ERBB4: variants seen among roughly 807,000 people sequenced by gnomAD.
ERBB4 encodes receptor tyrosine-protein kinase erbB-4.
In ERBB4, 42 loss-of-function variants were observed where a neutral mutation model predicts 158.0. The observed-to-expected ratio is 0.27, with a 90% confidence interval of 0.21 to 0.34. The LOEUF (loss-of-function observed/expected upper bound fraction) is 0.34. Among genes scored for constraint, ERBB4 ranks in the 10% least tolerant of loss-of-function variants. The probability of loss-of-function intolerance (pLI) is 1.00; values close to 1 mark genes in which losing one functional copy is unlikely to be tolerated. For synonymous variants in ERBB4, 583 were observed against 558.7 expected, an observed-to-expected ratio of 1.04 and a Z score of -0.61; for missense variants, 1,333 against 1,624.1, an observed-to-expected ratio of 0.82 and a Z score of 3.08.
At chr2:211,529,383 C>A (rs2066435108) in intron 20 of ERBB4, among the ~76,000 whole-genome samples, 1 of 151,844 alleles carries the variant, frequency 6.6e-6, no homozygotes, top group Non-Finnish European at 1.5e-5. Context: ...CAAAGAAAAG[C>A]CCAGGATCTG....
chr2:212,424,429 C>A (rs2091861489), intron 1 of ERBB4, among the ~76,000 whole-genome samples: 1 of 152,068 alleles, frequency 6.6e-6, no homozygotes, highest in African/African-American at 2.4e-5. Context: ...CCACATATAT[C>A]CAAAAGAAAC....
At chr2:211,919,712 T>C (rs2079805126) in intron 3 of ERBB4, among the ~76,000 whole-genome samples, 1 of 151,982 alleles carries the variant, frequency 6.6e-6, no homozygotes, top group African/African-American at 2.4e-5. Flanking sequence ...TAAAAGTGAT[T>C]AGTGTTATGG....
chr2:211,780,931 T>G (rs770804033), intron 4 of ERBB4, among the ~76,000 whole-genome samples: 8 of 152,250 alleles, frequency 5.3e-5, no homozygotes, highest in Non-Finnish European at 8.8e-5. Flanking sequence ...AAAATATCTT[T>G]TGAAAACAGT....
In ERBB4 at chr2:212,062,396, ATTCTTTTTTTTTTTT is replaced by A. The variant is rs1425657779; in HGVS notation, c.234+62341_234+62355del. On this transcript the variant is annotated intron_variant, in intron 2 of 27. Coordinates refer to ENST00000342788, the MANE Select transcript of ERBB4 (RefSeq NM_005235.3). Reference sequence around the variant, plus strand: ...CTCCTACTACTCTTCTCACTTGTCAATTCTTTTTTTTTTTTTTTTTTTTTTTTTTTTTTTTTTTTT... The same window carrying A: ...CTCCTACTACTCTTCTCACTTGTCAATTTTTTTTTTTTTTTTTTTTTTTTT... Among the ~76,000 whole-genome samples, 362 of 96,516 alleles carry A rather than the reference ATTCTTTTTTTTTTTT, an allele frequency of 3.8e-3. 2 individuals carry two copies. Among genetic ancestry groups the A allele is most frequent in the Non-Finnish European group, 5.8e-3 (286 of 48,966 alleles). The allele number at this position is 96,516 out of a possible 152,430, so 63.3% of individuals were successfully genotyped here.
chr2:212,315,371 T>G (rs2106248627), intron 1 of ERBB4, among the ~76,000 whole-genome samples: 1 of 151,412 alleles, frequency 6.6e-6, no homozygotes, highest in Admixed American at 6.6e-5. Context: ...GTGAGGAAAT[T>G]CTAAATAAGA....
At chr2:212,010,612 A>C (rs2076362954) in intron 2 of ERBB4, among the ~76,000 whole-genome samples, 1 of 152,172 alleles carries the variant, frequency 6.6e-6, no homozygotes. Flanking sequence ...ACTACTGATA[A>C]GGGTCTATAT....
chr2:212,369,146 G>A (rs2089997664), intron 1 of ERBB4, among the ~76,000 whole-genome samples: 1 of 152,146 alleles, frequency 6.6e-6, no homozygotes, highest in South Asian at 2.1e-4. Context: ...TAAAATTCTT[G>A]AATTATTTGC....
chr2:212,529,292 C>G (rs957468658), intron 1 of ERBB4, among the ~76,000 whole-genome samples: 1 of 152,058 alleles, frequency 6.6e-6, no homozygotes, highest in Non-Finnish European at 1.5e-5. Flanking sequence ...TACTGAACTA[C>G]AAAATATTTA....
chr2:211,919,404 A>C (rs1330809039), intron 3 of ERBB4, among the ~76,000 whole-genome samples: 1 of 152,120 alleles, frequency 6.6e-6, no homozygotes, highest in African/African-American at 2.4e-5. Context: ...AGTTTATAGG[A>C]TATCTTACAG....
intron 3 of ERBB4, among the ~76,000 whole-genome samples, chr2:211,808,262 C>T (rs1032586075): frequency 2.0e-5 from 3 of 152,154 alleles, no homozygotes; most frequent in African/African-American, 7.2e-5. Context: ...GGTTTTAGGT[C>T]TAACATTTAA....
chr2:211,488,528 G>A (rs1429327778), intron 20 of ERBB4, among the ~76,000 whole-genome samples: 2 of 152,040 alleles, frequency 1.3e-5, no homozygotes, highest in Non-Finnish European at 1.5e-5. Flanking sequence ...AGTATAATGT[G>A]AAGCCTCTCA....
At chr2:211,428,750 C>G (rs1339218351) in intron 21 of ERBB4, among the ~76,000 whole-genome samples, 1 of 152,082 alleles carries the variant, frequency 6.6e-6, no homozygotes, top group Non-Finnish European at 1.5e-5. Context: ...CAGGGTCTCA[C>G]TCTGTCACCC....
intron 2 of ERBB4, among the ~76,000 whole-genome samples, chr2:212,077,042 C>T (rs191404849): frequency 4.3e-4 from 65 of 151,976 alleles, no homozygotes; most frequent in African/African-American, 1.3e-3. Flanking sequence ...TGTATAAAAA[C>T]GTATACAACC....
chr2:212,219,712 C>T lies in ERBB4; in HGVS notation c.83-94809G>A, dbSNP rs1411605583. ...ACACACACCCCATATCCTGATCATT[C>T]ATCCCTGAAATTATGTATTCTTTAC... On this transcript the variant is annotated intron_variant, in intron 1 of 27. Coordinates refer to ENST00000342788, the MANE Select transcript of ERBB4 (RefSeq NM_005235.3). Among the ~76,000 whole-genome samples, 4 of 151,400 alleles carry T rather than the reference C, an allele frequency of 2.6e-5. No homozygotes were observed. The East Asian group carries it at 5.8e-4, about 22-fold the overall frequency.
intron 1 of ERBB4, among the ~76,000 whole-genome samples, chr2:212,440,324 G>A (rs1261009326): frequency 1.3e-5 from 2 of 152,160 alleles, no homozygotes; most frequent in Non-Finnish European, 2.9e-5. Flanking sequence ...GTGAAAAGGA[G>A]AGACTGGCCT....
chr2:211,606,523 C>G (rs1261354733), intron 19 of ERBB4, among the ~76,000 whole-genome samples: 24 of 151,488 alleles, frequency 1.6e-4, no homozygotes, highest in Non-Finnish European at 4.4e-5. Context: ...CTCTAATAAA[C>G]CTATTGATAT....
intron 1 of ERBB4, among the ~76,000 whole-genome samples, chr2:212,529,447 AAT>A (rs1041240050): frequency 3.3e-4 from 50 of 152,302 alleles, no homozygotes; most frequent in African/African-American, 1.2e-3. Context: ...CACTTGAAGA[AAT>A]ACCCTAGGAA....
chr2:212,343,861 T>C (rs575796002), intron 1 of ERBB4, among the ~76,000 whole-genome samples: 1 of 152,326 alleles, frequency 6.6e-6, no homozygotes, highest in East Asian at 1.9e-4. Flanking sequence ...TATTTACTTT[T>C]ACCAAAGCCT....
At position 211,378,346 on chromosome 2, in the gene ERBB4, C is replaced by A. The variant is rs1014563551; in HGVS notation, c.*5269G>T. On this transcript the variant is annotated 3_prime_UTR_variant, in exon 28 of 28. Coordinates refer to ENST00000342788, the MANE Select transcript of ERBB4 (RefSeq NM_005235.3). ...TACTTCTGCCCAAAATGTCACCTGGCCAGGAATTAGGTGAGGCAGGGGCCT... is the reference window on the plus strand; with the variant it reads ...TACTTCTGCCCAAAATGTCACCTGGACAGGAATTAGGTGAGGCAGGGGCCT... The A allele has an allele frequency of 5.2e-5, 12 of 232,566 alleles. No homozygotes were observed. Among genetic ancestry groups the A allele is most frequent in the African/African-American group, 2.7e-4 (12 of 45,252 alleles). 14.4% of individuals were successfully genotyped at this position (232,566 alleles called of 1,614,324 possible).
Sources: gnomAD v4.1 joint callset for allele counts (sites outside exome capture counted in the v4.1 genomes callset) on GRCh38, gnomAD v4.1.1 for gene constraint, MANE v1.5 for transcripts, NCBI Gene and HGNC (gene_info 2026-07-23, HGNC 2026-07-21) for gene names.